Variants in NFATC1 observed in about 807,000 individuals in gnomAD.
NFATC1 encodes the protein nuclear factor of activated T cells 1.
Under a neutral mutation model 76.0 loss-of-function variants are expected in NFATC1, and 22 were observed. That is an observed-to-expected ratio of 0.29 (90% CI 0.21 to 0.41). The LOEUF (loss-of-function observed/expected upper bound fraction) is 0.41, where lower values mean the gene tolerates loss of function less well. Among genes scored for constraint, NFATC1 ranks in the 10% least tolerant of loss-of-function variants. The pLI, the probability that NFATC1 is intolerant of heterozygous loss-of-function variation, is 1.00. For missense variants in NFATC1, 1,357 were observed against 1,337.7 expected (o/e 1.01, Z -0.23); for synonymous variants, 704 against 613.1 (o/e 1.15, Z -2.19).
intron 2 of NFATC1, among the ~76,000 whole-genome samples, chr18:79,423,542 T>C (rs1023665772): frequency 6.6e-6 from 1 of 152,168 alleles, no homozygotes; most frequent in Non-Finnish European, 1.5e-5. Flanking sequence ...TCCTGGGAAC[T>C]GTGGGTAGGC....
rs1212495538 is a variant in NFATC1, at chr18:79,407,086, A to G, written c.128-3317A>G. On this transcript the variant is annotated intron_variant, in intron 1 of 9. Transcript: ENST00000427363. ...CAGTTTGCCTGGCCCAGAGCCCCCC[A>G]GGTATCACCAGCAGATCAGAGGACT... Among the ~76,000 whole-genome samples the G allele has an allele frequency of 2.0e-5, 3 of 152,340 alleles. No individual in the cohort carries two copies. The East Asian group carries it at 5.8e-4, about 29-fold the overall frequency.
chr18:79,457,922 G>T (rs1396388948), intron 6 of NFATC1, among the ~76,000 whole-genome samples: 1 of 152,228 alleles, frequency 6.6e-6, no homozygotes, highest in African/African-American at 2.4e-5. Flanking sequence ...CACAGGTCGG[G>T]ACGTGGGGTC....
At chr18:79,400,823 GACCCCCC>G (rs2085189597) in intron 1 of NFATC1, among the ~76,000 whole-genome samples, 1 of 1,902 alleles carries the variant, frequency 5.3e-4, no homozygotes, top group African/African-American at 1.8e-3. Context: ...CGACCTCCCC[GACCCCCC>G]GACCCCCCCC....
At chr18:79,504,068 A>ATCAC (rs1298793813) in intron 9 of NFATC1, among the ~76,000 whole-genome samples, 1 of 152,160 alleles carries the variant, frequency 6.6e-6, no homozygotes, top group Non-Finnish European at 1.5e-5. Flanking sequence ...TTCTGTCCAG[A>ATCAC]TCACTCGGAC....
intron 6 of NFATC1, among the ~76,000 whole-genome samples, chr18:79,460,567 A>G (rs773917252): frequency 1.3e-5 from 2 of 152,204 alleles, no homozygotes; most frequent in Non-Finnish European, 2.9e-5. Context: ...GAGCCTTTTT[A>G]TTTTTTAAAA....
At chr18:79,504,680 C>G (rs1660146) in intron 9 of NFATC1, among the ~76,000 whole-genome samples, 150,251 of 152,320 alleles carry the variant, frequency 0.99, 74,129 homozygotes, top group East Asian at 1. Flanking sequence ...AAGACCTCCC[C>G]TTTGTGAAAA....
chr18:79,478,253 G>T (rs913318948), intron 8 of NFATC1, among the ~76,000 whole-genome samples: 1 of 152,026 alleles, frequency 6.6e-6, no homozygotes. Flanking sequence ...TGCTCATGCC[G>T]ATTTTTATTC....
In NFATC1 at chr18:79,519,954, G is replaced by A. The variant is rs147092991; in HGVS notation, c.2783-7574G>A. Among the ~76,000 whole-genome samples the A allele has an allele frequency of 9.1e-4, 138 of 152,326 alleles. 1 individual carries two copies. Among genetic ancestry groups the A allele is most frequent in the African/African-American group, 3.0e-3 (126 of 41,570 alleles). On this transcript the variant is annotated intron_variant, in intron 9 of 9. Transcript: ENST00000427363. ...GACAGTTGGTGATAAAGTCCTGGAC[G>A]GGCGAGATAAGTGGCATTGGCAGAG... is the stretch of plus-strand genomic sequence containing the variant.
intron 3 of NFATC1, among the ~76,000 whole-genome samples, chr18:79,439,460 G>A (rs62096887): frequency 0.018 from 2,765 of 152,310 alleles, 25 homozygotes; most frequent in Non-Finnish European, 0.025. Flanking sequence ...GCCAAATGCC[G>A]GAGGCCTGCA....
At position 79,455,046 on chromosome 18, in the gene NFATC1, G is replaced by A. The variant is rs114433587; in HGVS notation, c.1903+3230G>A. 3.4e-3 allele frequency among the ~76,000 whole-genome samples: 523 copies of A among 152,318 alleles called. 10 individuals are homozygous for A. Among genetic ancestry groups the A allele is most frequent in the African/African-American group, 6.2e-3 (256 of 41,570 alleles). On this transcript the variant is annotated intron_variant, in intron 6 of 9. Coordinates refer to ENST00000427363, the MANE Select transcript of NFATC1 (RefSeq NM_001278669.2). ...GAACGCCCGCGTGAAACGTGAGCTC[G>A]GGCTGTGTCTAGAGCCTGGCTGAGA...
intron 7 of NFATC1, among the ~76,000 whole-genome samples, chr18:79,461,778 G>A (rs865824056): frequency 1.3e-5 from 2 of 152,178 alleles, no homozygotes; most frequent in Non-Finnish European, 2.9e-5. Flanking sequence ...TTCCCGGGGG[G>A]TGGTCAGCAC....
chr18:79,397,504 G>C lies in NFATC1; in HGVS notation c.127+1153G>C, dbSNP rs541249486. On this transcript the variant is annotated intron_variant, in intron 1 of 9. Coordinates refer to ENST00000427363, the MANE Select transcript of NFATC1 (RefSeq NM_001278669.2). ...GTGAGCTCCACGGAGGGGGGTCCGT[G>C]TGGTCGGTGCCCTGACGCTTCACGG... 2.6e-5 allele frequency among the ~76,000 whole-genome samples: 4 copies of C among 152,330 alleles called. No individual in the cohort carries two copies. The South Asian group carries it at 8.3e-4, about 32-fold the overall frequency.
At chr18:79,480,682 C>T (rs1411609003) in intron 8 of NFATC1, among the ~76,000 whole-genome samples, 8 of 152,300 alleles carry the variant, frequency 5.3e-5, no homozygotes, top group African/African-American at 1.4e-4. Context: ...AGACGCCACC[C>T]GGTTGCCCCA....
chr18:79,413,027 C>A (rs1036211956), intron 2 of NFATC1, among the ~76,000 whole-genome samples: 21 of 152,198 alleles, frequency 1.4e-4, no homozygotes, highest in African/African-American at 4.1e-4. Flanking sequence ...ACTGTTTTTG[C>A]CTGCTGTACT....
At chr18:79,484,208 G>T (rs2089429263) in intron 8 of NFATC1, among the ~76,000 whole-genome samples, 1 of 152,076 alleles carries the variant, frequency 6.6e-6, no homozygotes, top group Non-Finnish European at 1.5e-5. Context: ...TCACAGCTTG[G>T]GCTGCACTCC....
chr18:79,488,801 C>A (rs2089596649), intron 9 of NFATC1, among the ~76,000 whole-genome samples: 1 of 152,236 alleles, frequency 6.6e-6, no homozygotes, highest in South Asian at 2.1e-4. Context: ...CTCTTTCCAC[C>A]TGCCATGCCT....
intron 9 of NFATC1, among the ~76,000 whole-genome samples, chr18:79,495,862 T>C (rs540706464): frequency 6.6e-6 from 1 of 150,986 alleles, no homozygotes; most frequent in East Asian, 1.9e-4. Flanking sequence ...CGTAGTAAGG[T>C]GTCCGCAAGT....
At chr18:79,495,904 A>G (rs1324264618) in intron 9 of NFATC1, among the ~76,000 whole-genome samples, 2 of 152,016 alleles carry the variant, frequency 1.3e-5, no homozygotes. Flanking sequence ...CGTGAACAGT[A>G]GTAAGGCGCC....
rs779950416 is a variant in NFATC1 at position 79,486,215 on chromosome 18, GTGTT to G, written c.2093-31_2093-28del. On this transcript the variant is annotated intron_variant, in intron 8 of 9. Transcript: ENST00000427363. ...GCCTGATCACACTCATTCGCAACTTGTGTTTATTTAATTTTTTTTTTCCTTCTCA... is the reference window on the plus strand; with the variant it reads ...GCCTGATCACACTCATTCGCAACTTGTATTTAATTTTTTTTTTCCTTCTCA... 13 of 1,579,740 alleles carry G rather than the reference GTGTT, an allele frequency of 8.2e-6. No homozygotes were observed. The South Asian group carries it at 1.4e-4, about 17-fold the overall frequency.
Sources: allele counts gnomAD v4.1 joint callset (sites outside exome capture counted in the v4.1 genomes callset), GRCh38; gene constraint gnomAD v4.1.1; transcripts MANE v1.5; gene names NCBI Gene and HGNC (gene_info 2026-07-23, HGNC 2026-07-21).